SLC25A37: variants seen among roughly 807,000 people sequenced by gnomAD.
SLC25A37 encodes mitoferrin-1.
In SLC25A37, 17 loss-of-function variants were observed where a neutral mutation model predicts 31.0. The ratio of observed to expected loss-of-function variants is 0.55; its 90% confidence interval spans 0.38 to 0.82. The LOEUF (loss-of-function observed/expected upper bound fraction) is 0.82. Among genes scored for constraint, SLC25A37 ranks in the 40% least tolerant of loss-of-function variants. The pLI is 0.00. For synonymous variants in SLC25A37, 222 were observed against 193.0 expected (o/e 1.15, Z -1.24); for missense variants, 404 against 465.8 (o/e 0.87, Z 1.22).
intron 1 of SLC25A37, among the ~76,000 whole-genome samples, chr8:23,533,645 G>A (rs1218122203): frequency 6.6e-6 from 1 of 152,230 alleles, no homozygotes; most frequent in Non-Finnish European, 1.5e-5. Context: ...ACCTGCTGGT[G>A]TGGAAGCCTT....
rs1802942722 is a variant in SLC25A37, at chr8:23,574,735, T to G, written c.*2880T>G. ...CTGCAGTCCGGTTTCTTATTGTGAC[T>G]TTGACAATGCAAAGTGCAAAATAGG... On this transcript the variant is annotated 3_prime_UTR_variant, in exon 4 of 4. Transcript: ENST00000519973. 6.4e-6 allele frequency: 1 copy of G among 155,344 alleles called. No individual in the cohort carries two copies. Among genetic ancestry groups the G allele is most frequent in the Non-Finnish European group, 1.5e-5 (1 of 68,334 alleles). The allele number at this position is 155,344 out of a possible 1,614,324, so 9.6% of individuals were successfully genotyped here.
chr8:23,555,954 CA>C (rs1247601016), intron 1 of SLC25A37, among the ~76,000 whole-genome samples: 1 of 152,212 alleles, frequency 6.6e-6, no homozygotes, highest in East Asian at 1.9e-4. Flanking sequence ...CTCAACTCTT[CA>C]TTTTGTCTTG....
chr8:23,570,941 G>C (rs904564758), intron 3 of SLC25A37, among the ~76,000 whole-genome samples: 15 of 152,300 alleles, frequency 9.8e-5, no homozygotes, highest in Non-Finnish European at 1.3e-4. Context: ...GAGGAGGGCA[G>C]AGGGGACAGG....
chr8:23,545,252 C>T (rs112968055), intron 1 of SLC25A37, among the ~76,000 whole-genome samples: 75 of 152,306 alleles, frequency 4.9e-4, no homozygotes, highest in African/African-American at 1.6e-3. Flanking sequence ...GGCTCAGATT[C>T]GTGTGTCACT....
In SLC25A37 at chr8:23,571,896, C is replaced by G; in HGVS notation, c.*41C>G. On this transcript the variant is annotated 3_prime_UTR_variant, in exon 4 of 4. Transcript: ENST00000519973. The stretch of plus-strand genomic sequence containing the variant: ...AATCTTTTCTTAAAGTCATTCTCTG[C>G]CTGCATCCAGCCCCTTGCCCTCTCC... 1 of 1,590,022 alleles carries G rather than the reference C, an allele frequency of 6.3e-7. No individual in the cohort carries two copies. Among genetic ancestry groups the G allele is most frequent in the Non-Finnish European group, 8.6e-7 (1 of 1,165,010 alleles).
intron 3 of SLC25A37, among the ~76,000 whole-genome samples, chr8:23,569,425 A>ACACACACTCACT (rs915435662): frequency 1.4e-5 from 2 of 146,268 alleles, no homozygotes; most frequent in Non-Finnish European, 3.1e-5. Flanking sequence ...ACACACACAC[A>ACACACACTCACT]CACTCACTCT....
intron 1 of SLC25A37, among the ~76,000 whole-genome samples, chr8:23,560,716 C>A (rs1047325294): frequency 3.9e-5 from 6 of 152,198 alleles, no homozygotes; most frequent in Non-Finnish European, 7.3e-5. Context: ...CTTGAGTAAA[C>A]CACCCTGAGG....
intron 2 of SLC25A37, 119 bp from the exon 3 acceptor site, chr8:23,568,203 C>A: frequency 1.0e-5 from 10 of 975,908 alleles, no homozygotes; most frequent in Non-Finnish European, 1.7e-5. Flanking sequence ...CTGGGCGGAG[C>A]TGGTAGTACA....
Position 23,573,799 on chromosome 8 carries a change from C to T in SLC25A37, c.*1944C>T. On this transcript the variant is annotated 3_prime_UTR_variant, in exon 4 of 4. Transcript: ENST00000519973. Reference sequence around the variant, plus strand: ...TTGGCTGCTGCCCTGTCCCATCTGGCAGTTAACGCCTTCTCCCTGCTCTGC... The same window carrying T: ...TTGGCTGCTGCCCTGTCCCATCTGGTAGTTAACGCCTTCTCCCTGCTCTGC... 2.2e-6 allele frequency: 1 copy of T among 456,708 alleles called. No individual in the cohort carries two copies. 28.3% of individuals were successfully genotyped at this position (456,708 alleles called of 1,614,324 possible). A position where few individuals can be genotyped will look rare whatever the true frequency, so the allele number is the denominator to read the frequency against.
intron 1 of SLC25A37, among the ~76,000 whole-genome samples, chr8:23,557,980 C>G (rs1802412794): frequency 1.3e-5 from 2 of 152,146 alleles, no homozygotes; most frequent in African/African-American, 4.8e-5. Context: ...CCTGGGCCCC[C>G]CTGGAGTTGT....
rs994944491 is a variant in SLC25A37, at chr8:23,554,838, T to A, written c.211-11270T>A. ...GGGGCCTGGTAGGGAAGGCTTCTGTTGCACGGCCTGTTGCTTTCTCTCAGA... is the reference window on the plus strand; with the variant it reads ...GGGGCCTGGTAGGGAAGGCTTCTGTAGCACGGCCTGTTGCTTTCTCTCAGA... On this transcript the variant is annotated intron_variant, in intron 1 of 3. Coordinates refer to ENST00000519973, the MANE Select transcript of SLC25A37 (RefSeq NM_016612.4). 3.9e-5 allele frequency among the ~76,000 whole-genome samples: 6 copies of A among 152,202 alleles called. 1 individual carries two copies. Among genetic ancestry groups the A allele is most frequent in the Admixed American group, 1.3e-4 (2 of 15,280 alleles).
chr8:23,558,304 C>T (rs1218851157), intron 1 of SLC25A37, among the ~76,000 whole-genome samples: 1 of 152,184 alleles, frequency 6.6e-6, no homozygotes, highest in Non-Finnish European at 1.5e-5. Context: ...AGGCCCACTA[C>T]CAGGCTCAGC....
intron 1 of SLC25A37, among the ~76,000 whole-genome samples, chr8:23,542,810 CAG>C (rs1189302323): frequency 6.6e-6 from 1 of 150,560 alleles, no homozygotes; most frequent in Non-Finnish European, 1.5e-5. Flanking sequence ...AGGTGGAAGA[CAG>C]TGATATTGAT....
chr8:23,557,964 CTCAG>C (rs964508933), intron 1 of SLC25A37, among the ~76,000 whole-genome samples: 31 of 152,148 alleles, frequency 2.0e-4, no homozygotes, highest in Non-Finnish European at 5.9e-5. Context: ...GCCTCTAGGG[CTCAG>C]CCCTGGGCCC....
intron 1 of SLC25A37, 73 bp from the exon 2 acceptor site, chr8:23,566,035 A>G (rs963786020): frequency 6.7e-7 from 1 of 1,490,610 alleles, no homozygotes. Flanking sequence ...CTCCTTCTCC[A>G]GGTCTTATTT....
Position 23,528,989 on chromosome 8 carries a change from C to T in SLC25A37, c.-14C>T, listed in dbSNP as rs750111109. On this transcript the variant is annotated 5_prime_UTR_variant, in exon 1 of 4. Coordinates refer to ENST00000519973, the MANE Select transcript of SLC25A37 (RefSeq NM_016612.4). ...CCACCTCCTGCAGCCTCCTGCGCCC[C>T]GCCGAGCTGGCGGATGGAGCTGCGC... 2.7e-6 allele frequency: 4 copies of T among 1,484,594 alleles called. No individual in the cohort carries two copies. The highest frequency in any genetic ancestry group is 3.6e-6 in the Non-Finnish European group (4 of 1,115,362). The allele number at this position is 1,484,594 out of a possible 1,614,324, so 92.0% of individuals were successfully genotyped here. A position where few individuals can be genotyped will look rare whatever the true frequency, so the allele number is the denominator to read the frequency against.
intron 1 of SLC25A37, among the ~76,000 whole-genome samples, chr8:23,551,789 C>T (rs976054561): frequency 1.8e-4 from 28 of 152,260 alleles, no homozygotes; most frequent in African/African-American, 6.3e-4. Context: ...GATTTAGATA[C>T]AGAGGGGTCT....
At chr8:23,567,388 G>T (rs1156909412) in intron 2 of SLC25A37, 1 of 152,156 alleles carries the variant, frequency 6.6e-6, no homozygotes, top group Non-Finnish European at 1.5e-5. Flanking sequence ...TGACATTGGG[G>T]CCCTTCTTTT....
At chr8:23,547,228 A>G (rs1277228846) in intron 1 of SLC25A37, among the ~76,000 whole-genome samples, 1 of 152,190 alleles carries the variant, frequency 6.6e-6, no homozygotes, top group African/African-American at 2.4e-5. Context: ...AGTGTAAGGG[A>G]GGGACTGGGA....
Sources: allele counts gnomAD v4.1 joint callset (sites outside exome capture counted in the v4.1 genomes callset), GRCh38; gene constraint gnomAD v4.1.1; transcripts MANE v1.5; gene names NCBI Gene and HGNC (gene_info 2026-07-23, HGNC 2026-07-21).